Variants in CYRIB observed in about 807,000 individuals in gnomAD.
CYRIB encodes the protein CYFIP related Rac1 interactor B.
A neutral mutation model predicts 44.2 loss-of-function variants in CYRIB; 8 were observed. That is an observed-to-expected ratio of 0.18 (90% CI 0.11 to 0.33). The LOEUF is 0.33. Ranked by LOEUF, CYRIB falls within the 10% of genes least tolerant of loss-of-function variation. The pLI is 1.00. For missense variants in CYRIB, 185 were observed against 382.8 expected (o/e 0.48, Z 4.31); for synonymous variants, 131 against 127.2 (o/e 1.03, Z -0.20).
chr8:129,956,739 C>G (rs2094859019), intron 2 of CYRIB, among the ~76,000 whole-genome samples: 1 of 152,136 alleles, frequency 6.6e-6, no homozygotes, highest in Non-Finnish European at 1.5e-5. Flanking sequence ...CTTTACCTGA[C>G]AGTTAAGCCT....
chr8:129,955,543 T>G (rs1039248716), intron 2 of CYRIB, among the ~76,000 whole-genome samples: 8 of 152,182 alleles, frequency 5.3e-5, no homozygotes, highest in African/African-American at 1.9e-4. Flanking sequence ...TAGATAAGCA[T>G]TTCAAGGTAA....
At position 129,884,520 on chromosome 8, in the gene CYRIB, G is replaced by T. The variant is rs187501046; in HGVS notation, c.-10-5049C>A. ...TCAGGCTGGTCTCAAACTCCCAACCGCAGGTGACCTACCCGCCTCAGCCTC... is the reference window on the plus strand; with the variant it reads ...TCAGGCTGGTCTCAAACTCCCAACCTCAGGTGACCTACCCGCCTCAGCCTC... On this transcript the variant is annotated intron_variant, in intron 2 of 11. Coordinates refer to ENST00000519824, the Ensembl canonical transcript of CYRIB. Among the ~76,000 whole-genome samples, 69 of 152,014 alleles carry T rather than the reference G, an allele frequency of 4.5e-4. No homozygotes were observed. In the South Asian group the frequency reaches 1.0e-2, roughly 22 times the overall value.
intron 1 of CYRIB, among the ~76,000 whole-genome samples, chr8:129,935,454 C>A (rs1486922156): frequency 6.6e-6 from 1 of 152,134 alleles, no homozygotes; most frequent in Non-Finnish European, 1.5e-5. Flanking sequence ...CTCTAATGCA[C>A]AATTCACAAC....
At chr8:130,007,353 G>A (rs2097126079) in intron 1 of CYRIB, among the ~76,000 whole-genome samples, 1 of 152,238 alleles carries the variant, frequency 6.6e-6, no homozygotes, top group South Asian at 2.1e-4. Flanking sequence ...GGTGGGCACT[G>A]AAGCTGGCCT....
At chr8:129,908,973 A>G (rs1330421908) in intron 1 of CYRIB, among the ~76,000 whole-genome samples, 2 of 152,160 alleles carry the variant, frequency 1.3e-5, no homozygotes, top group African/African-American at 4.8e-5. Context: ...TTTAAATAAA[A>G]TAGAGATGGA....
chr8:129,926,740 ATTTC>A (rs1180200961), intron 1 of CYRIB, among the ~76,000 whole-genome samples: 1 of 152,178 alleles, frequency 6.6e-6, no homozygotes, highest in Non-Finnish European at 1.5e-5. Context: ...AAAGGTGGCT[ATTTC>A]TTTATTAGCA....
chr8:129,894,931 T>TA (rs1564772032), intron 2 of CYRIB, among the ~76,000 whole-genome samples: 24 of 149,614 alleles, frequency 1.6e-4, no homozygotes, highest in Non-Finnish European at 3.1e-4. Flanking sequence ...ATATATATAT[T>TA]TTTTTAATTA....
intron 2 of CYRIB, among the ~76,000 whole-genome samples, chr8:129,960,638 C>T (rs2095189820): frequency 8.0e-6 from 1 of 124,374 alleles, no homozygotes; most frequent in African/African-American, 3.1e-5. Flanking sequence ...CAGAGCGAGA[C>T]TCTGTCTCAA....
At chr8:129,857,296 C>T (rs2046699684) in intron 5 of CYRIB, among the ~76,000 whole-genome samples, 1 of 152,138 alleles carries the variant, frequency 6.6e-6, no homozygotes, top group Admixed American at 6.5e-5. Context: ...AATAAGACCT[C>T]ACCTAATGGA....
chr8:129,965,894 G>A (rs915803226), intron 2 of CYRIB, among the ~76,000 whole-genome samples: 7 of 151,748 alleles, frequency 4.6e-5, no homozygotes, highest in Non-Finnish European at 8.8e-5. Context: ...TCTTGTCACC[G>A]AGGCTGGAGT....
chr8:129,910,831 C>T (rs978076527), intron 1 of CYRIB, among the ~76,000 whole-genome samples: 4 of 152,162 alleles, frequency 2.6e-5, no homozygotes, highest in Admixed American at 6.5e-5. Context: ...CTCGCTCTGT[C>T]GCCCAGGCTG....
chr8:129,852,144 T>G lies in CYRIB; in HGVS notation c.633+18A>C. ...GGCATAAATAACAACACAGAGTACCTGCCTAGGCAATGCTTACCTCTGATA... is the reference window on the plus strand; with the variant it reads ...GGCATAAATAACAACACAGAGTACCGGCCTAGGCAATGCTTACCTCTGATA... On this transcript the variant is annotated intron_variant, in intron 8 of 11. Transcript: ENST00000519824. 1 of 1,464,174 alleles carries G rather than the reference T, an allele frequency of 6.8e-7. No individual in the cohort carries two copies. Among genetic ancestry groups the G allele is most frequent in the Non-Finnish European group, 9.2e-7 (1 of 1,082,806 alleles). The allele number at this position is 1,464,174 out of a possible 1,614,324, so 90.7% of individuals were successfully genotyped here. A position where few individuals can be genotyped will look rare whatever the true frequency, so the allele number is the denominator to read the frequency against.
At chr8:129,989,283 C>T (rs2096562601) in intron 1 of CYRIB, among the ~76,000 whole-genome samples, 2 of 152,178 alleles carry the variant, frequency 1.3e-5, no homozygotes, top group African/African-American at 4.8e-5. Flanking sequence ...CTCTCACCCT[C>T]TCTCCTACCG....
chr8:129,871,560 C>T, intron 3 of CYRIB, 64 bp from the exon 6 acceptor site: 2 of 1,542,978 alleles, frequency 1.3e-6, no homozygotes, highest in South Asian at 1.3e-5. Context: ...ACATGTGTAA[C>T]TCTAAGCAAT....
chr8:129,977,136 C>G (rs1243845749), intron 1 of CYRIB, among the ~76,000 whole-genome samples: 1 of 152,160 alleles, frequency 6.6e-6, no homozygotes, highest in Non-Finnish European at 1.5e-5. Flanking sequence ...GCCACCGTGC[C>G]CAGCCAGAAC....
At chr8:129,924,452 C>A (rs938944528) in intron 1 of CYRIB, among the ~76,000 whole-genome samples, 1 of 151,830 alleles carries the variant, frequency 6.6e-6, no homozygotes, top group Non-Finnish European at 1.5e-5. Flanking sequence ...GCACATTCTT[C>A]GAAAAATTCA....
chr8:129,970,850 C>T (rs747234153), intron 2 of CYRIB, 93 bp downstream of exon 2: 6 of 152,266 alleles, frequency 3.9e-5, no homozygotes, highest in Non-Finnish European at 7.3e-5. Flanking sequence ...TAGCCATCAC[C>T]ATCCACTTTA....
intron 2 of CYRIB, among the ~76,000 whole-genome samples, chr8:129,900,474 C>A (rs1298135019): frequency 6.6e-6 from 1 of 152,134 alleles, no homozygotes; most frequent in East Asian, 1.9e-4. Flanking sequence ...TCATTCTAGG[C>A]TCTTTCTAGA....
In CYRIB at chr8:129,841,806, G is replaced by A. The variant is rs567481443; in HGVS notation, c.*336C>T. The A allele has an allele frequency of 1.8e-3, 346 of 195,458 alleles. 4 individuals are homozygous for A. The highest frequency in any genetic ancestry group is 0.011 in the South Asian group (61 of 5,792). The allele number at this position is 195,458 out of a possible 1,614,324, so 12.1% of individuals were successfully genotyped here. ...GAATAGGCAGTTTTGCCATGCAGGA[G>A]AAGCAATATTAAATATTAGTTTCAA... On this transcript the variant is annotated 3_prime_UTR_variant, in exon 12 of 12. Transcript: ENST00000519824.
Sources: gnomAD v4.1 joint callset for allele counts (sites outside exome capture counted in the v4.1 genomes callset) on GRCh38, gnomAD v4.1.1 for gene constraint, MANE v1.5 for transcripts, NCBI Gene and HGNC (gene_info 2026-07-23, HGNC 2026-07-21) for gene names.